The following AP3B1 variants were observed in gnomAD, a reference collection of about 807,000 sequenced individuals.
The protein encoded by AP3B1 is AP-3 complex subunit beta-1.
A neutral mutation model predicts 132.5 loss-of-function variants in AP3B1; 61 were observed. The observed-to-expected ratio is 0.46, with a 90% CI of 0.37 to 0.57. AP3B1 has a LOEUF of 0.57. Among genes scored for constraint, AP3B1 ranks in the 20% least tolerant of loss-of-function variants. The pLI is 0.00. For synonymous variants in AP3B1, 388 were observed against 438.3 expected (o/e 0.89, Z 1.43); for missense variants, 1,120 against 1,289.4 (o/e 0.87, Z 2.01).
intron 21 of AP3B1, among the ~76,000 whole-genome samples, chr5:78,098,228 T>C (rs537129137): frequency 1.9e-3 from 284 of 148,662 alleles, no homozygotes; most frequent in African/African-American, 6.8e-3. Context: ...ACTATTGTCC[T>C]ATGACCCTGC....
intron 1 of AP3B1, among the ~76,000 whole-genome samples, chr5:78,293,885 A>C (rs551465394): frequency 6.6e-6 from 1 of 152,266 alleles, no homozygotes; most frequent in East Asian, 1.9e-4. Flanking sequence ...TCATATGCTT[A>C]TTTTGGATTG....
At chr5:78,157,806 A>G (rs112992159) in intron 13 of AP3B1, among the ~76,000 whole-genome samples, 15,744 of 151,962 alleles carry the variant, frequency 0.1, 1,551 homozygotes, top group African/African-American at 0.25. Flanking sequence ...CTGGAGTACC[A>G]TGGCGCAATC....
At chr5:78,020,351 G>C (rs1747039188) in intron 25 of AP3B1, among the ~76,000 whole-genome samples, 1 of 152,008 alleles carries the variant, frequency 6.6e-6, no homozygotes, top group African/African-American at 2.4e-5. Context: ...CAATTATAGT[G>C]GTAGGACATC....
intron 25 of AP3B1, among the ~76,000 whole-genome samples, chr5:78,019,125 G>T (rs1007164270): frequency 1.3e-5 from 2 of 152,102 alleles, no homozygotes; most frequent in Non-Finnish European, 2.9e-5. Flanking sequence ...GCAAACAGCT[G>T]CCAGATTTAT....
At chr5:78,090,954 T>C (rs1490728976) in intron 21 of AP3B1, among the ~76,000 whole-genome samples, 1 of 151,874 alleles carries the variant, frequency 6.6e-6, no homozygotes, top group South Asian at 2.1e-4. Context: ...TTTTATTTTT[T>C]ATTTTATTTT....
chr5:78,125,025 G>A (rs1267712765), intron 17 of AP3B1, among the ~76,000 whole-genome samples: 2 of 151,964 alleles, frequency 1.3e-5, no homozygotes, highest in East Asian at 1.9e-4. Flanking sequence ...CATTATCATT[G>A]TAAGGAAAAG....
intron 22 of AP3B1, among the ~76,000 whole-genome samples, chr5:78,057,655 C>T (rs1748871571): frequency 6.6e-6 from 1 of 151,318 alleles, no homozygotes; most frequent in Non-Finnish European, 1.5e-5. Flanking sequence ...ATCTTGCACA[C>T]AGAACTCACT....
chr5:78,072,418 C>T (rs1173481795), intron 22 of AP3B1, among the ~76,000 whole-genome samples: 1 of 152,174 alleles, frequency 6.6e-6, no homozygotes, highest in Non-Finnish European at 1.5e-5. Context: ...AATCACAATT[C>T]AAGCAAGATG....
intron 17 of AP3B1, among the ~76,000 whole-genome samples, chr5:78,123,479 A>G (rs1752320197): frequency 6.6e-6 from 1 of 152,112 alleles, no homozygotes; most frequent in African/African-American, 2.4e-5. Context: ...AGAATCTACA[A>G]TGAACTCAAA....
chr5:78,056,655 TA>T (rs1320739137), intron 22 of AP3B1, among the ~76,000 whole-genome samples: 3 of 152,244 alleles, frequency 2.0e-5, no homozygotes, highest in Non-Finnish European at 4.4e-5. Context: ...AACTGTTCTC[TA>T]AAAGGTTTCT....
At chr5:78,154,610 A>C (rs1398226364) in intron 14 of AP3B1, among the ~76,000 whole-genome samples, 13 of 152,172 alleles carry the variant, frequency 8.5e-5, no homozygotes, top group African/African-American at 3.1e-4. Context: ...ACTATTTTCT[A>C]GATCTTATAG....
At chr5:78,045,400 A>AAAAC (rs774847495) in intron 22 of AP3B1, among the ~76,000 whole-genome samples, 1 of 148,284 alleles carries the variant, frequency 6.7e-6, no homozygotes, top group African/African-American at 2.5e-5. Flanking sequence ...AAAAAAAAAA[A>AAAAC]CACAAAGAAA....
chr5:78,102,841 C>A (rs1751185251), intron 20 of AP3B1, among the ~76,000 whole-genome samples: 1 of 152,138 alleles, frequency 6.6e-6, no homozygotes, highest in South Asian at 2.1e-4. Context: ...TTAATTTCTA[C>A]TTCACAGCCA....
At chr5:78,147,335 A>G (rs1209458728) in intron 14 of AP3B1, among the ~76,000 whole-genome samples, 1 of 151,910 alleles carries the variant, frequency 6.6e-6, no homozygotes, top group African/African-American at 2.4e-5. Flanking sequence ...CTCTTTCCTT[A>G]CCTTCTTATT....
intron 20 of AP3B1, among the ~76,000 whole-genome samples, chr5:78,109,534 G>T (rs1011679255): frequency 1.3e-5 from 2 of 152,136 alleles, no homozygotes; most frequent in African/African-American, 4.8e-5. Flanking sequence ...ACATGGTCCA[G>T]TTATAGGAAG....
At chr5:78,020,585 ATC>A (rs1350196121) in intron 25 of AP3B1, 105 bp downstream of exon 25, 6 of 850,898 alleles carry the variant, frequency 7.1e-6, no homozygotes, top group Non-Finnish European at 1.2e-5. Flanking sequence ...GTGCACTAAT[ATC>A]TGTTAATGGC....
chr5:78,094,933 G>T (rs1171391228), intron 21 of AP3B1, among the ~76,000 whole-genome samples: 4 of 151,992 alleles, frequency 2.6e-5, no homozygotes, highest in African/African-American at 9.7e-5. Flanking sequence ...TGCCCGCCTC[G>T]GCCTCCCAAA....
chr5:78,281,583 C>T (rs1372533756), intron 1 of AP3B1, among the ~76,000 whole-genome samples: 2 of 151,684 alleles, frequency 1.3e-5, no homozygotes, highest in Non-Finnish European at 2.9e-5. Flanking sequence ...TATATTGAAA[C>T]TTTTTTTATA....
chr5:78,141,986 T>C (rs1009963897), intron 14 of AP3B1, among the ~76,000 whole-genome samples: 1 of 152,192 alleles, frequency 6.6e-6, no homozygotes, highest in Non-Finnish European at 1.5e-5. Flanking sequence ...TTAGGTACTA[T>C]GATTCCAAAT....
Sources: allele counts gnomAD v4.1 joint callset (sites outside exome capture counted in the v4.1 genomes callset), GRCh38; gene constraint gnomAD v4.1.1; transcripts MANE v1.5; gene names NCBI Gene and HGNC (gene_info 2026-07-23, HGNC 2026-07-21).